MIEF1: variants seen among roughly 807,000 people sequenced by gnomAD.
The protein encoded by MIEF1 is mitochondrial dynamics protein MIEF1.
A neutral mutation model predicts 35.1 loss-of-function variants in MIEF1; 14 were observed. The ratio of observed to expected loss-of-function variants is 0.40; its 90% confidence interval spans 0.26 to 0.62. The LOEUF (loss-of-function observed/expected upper bound fraction) is 0.62. Ranked by LOEUF, MIEF1 falls within the 20% of genes least tolerant of loss-of-function variation. MIEF1 has a pLI of 0.43. For synonymous variants in MIEF1, 245 were observed against 254.3 expected, an observed-to-expected ratio of 0.96 and a Z score of 0.35; for missense variants, 542 against 615.4, an observed-to-expected ratio of 0.88 and a Z score of 1.26.
chr22:39,511,460 T>TG, intron 3 of MIEF1, 22 bp downstream of exon 3: 3 of 1,535,014 alleles, frequency 2.0e-6, no homozygotes, highest in Non-Finnish European at 2.6e-6. Flanking sequence ...CAGCCAGGGC[T>TG]GGGGGTGGAA....
chr22:39,506,364 A>G (rs1473888042), intron 2 of MIEF1, among the ~76,000 whole-genome samples: 1 of 152,108 alleles, frequency 6.6e-6, no homozygotes, highest in Non-Finnish European at 1.5e-5. Context: ...ACCCCTGTAG[A>G]TTAGTTCTCC....
intron 1 of MIEF1, 97 bp downstream of exon 1, chr22:39,502,534 G>T (rs1929786817): frequency 6.6e-6 from 1 of 152,256 alleles, no homozygotes; most frequent in Non-Finnish European, 1.5e-5. Context: ...CATGCGGCCC[G>T]GAGTCAGGAT....
intron 2 of MIEF1, among the ~76,000 whole-genome samples, chr22:39,506,382 G>A (rs982188756): frequency 2.0e-5 from 3 of 152,132 alleles, no homozygotes; most frequent in African/African-American, 7.2e-5. Flanking sequence ...TCCGCACCGC[G>A]TGATCTCAGG....
rs1304877069 is a variant in MIEF1, at chr22:39,502,381, G to C, written c.-396G>C. 2 of 152,382 alleles carry C rather than the reference G, an allele frequency of 1.3e-5. No individual in the cohort carries two copies. Among genetic ancestry groups the C allele is most frequent in the African/African-American group, 2.4e-5 (1 of 41,472 alleles). 9.4% of individuals were successfully genotyped at this position (152,382 alleles called of 1,614,324 possible). A position where few individuals can be genotyped will look rare whatever the true frequency, so the allele number is the denominator to read the frequency against. ...GGGGCCATGTTGATGGGTGACCCGG[G>C]GAGAGGTACCCGGCCAGAGGCGAGT... is the stretch of plus-strand genomic sequence containing the variant. On this transcript the variant is annotated 5_prime_UTR_variant, in exon 1 of 6. Coordinates refer to ENST00000325301, the MANE Select transcript of MIEF1 (RefSeq NM_019008.6).
chr22:39,510,233 CAG>C (rs1930262743), intron 2 of MIEF1, among the ~76,000 whole-genome samples: 1 of 152,162 alleles, frequency 6.6e-6, no homozygotes, highest in South Asian at 2.1e-4. Flanking sequence ...GCTGGGATTA[CAG>C]GCGTGAGTCA....
intron 2 of MIEF1, among the ~76,000 whole-genome samples, chr22:39,508,911 G>T (rs935401403): frequency 3.3e-5 from 5 of 152,198 alleles, no homozygotes; most frequent in Non-Finnish European, 7.3e-5. Flanking sequence ...AGAGGCAGGA[G>T]CGTAAGATGT....
At position 39,517,447 on chromosome 22, in the gene MIEF1, T is replaced by G. The variant is rs1442271203; in HGVS notation, c.*3124T>G. The G allele has an allele frequency of 6.9e-6, 3 of 436,580 alleles. No individual in the cohort carries two copies. Among genetic ancestry groups the G allele is most frequent in the African/African-American group, 2.0e-5 (1 of 49,044 alleles). The allele number at this position is 436,580 out of a possible 1,614,324, so 27.0% of individuals were successfully genotyped here. The stretch of plus-strand genomic sequence containing the variant: ...CTGGGTCCCGGCCACCTGTCCATAT[T>G]CCACATTTGCTGACTGTGCTCCCTG... On this transcript the variant is annotated 3_prime_UTR_variant, in exon 6 of 6. Transcript: ENST00000325301.
chr22:39,506,325 G>T (rs552513262), intron 2 of MIEF1, among the ~76,000 whole-genome samples: 18 of 152,272 alleles, frequency 1.2e-4, no homozygotes, highest in South Asian at 4.1e-4. Context: ...GAGTGGAGAT[G>T]GGAACAAGGT....
chr22:39,511,368 C>G lies in MIEF1; in HGVS notation c.74C>G (p.Ser25Cys). The G allele has an allele frequency of 6.2e-7, 1 of 1,612,654 alleles. No individual in the cohort carries two copies. The highest frequency in any genetic ancestry group is 8.5e-7 in the Non-Finnish European group (1 of 1,179,184). ...GIGTAIDFVLSNARLVLGVGG... is the reference protein window; with the variant it reads ...GIGTAIDFVLCNARLVLGVGG... Reference sequence around the variant, plus strand: ...GGCACGGCCATTGACTTTGTGCTCTCCAATGCCCGGCTGGTGCTGGGGGTG... The same window carrying G: ...GGCACGGCCATTGACTTTGTGCTCTGCAATGCCCGGCTGGTGCTGGGGGTG... Residue 25 changes from serine to cysteine, a missense_variant, in exon 3 of 6, where the codon TCC becomes TGC. Transcript: ENST00000325301.
chr22:39,503,059 C>G (rs1466349303), intron 1 of MIEF1: 1 of 152,214 alleles, frequency 6.6e-6, no homozygotes, highest in Non-Finnish European at 1.5e-5. Context: ...GTGAAATTCT[C>G]TCCGTTACGC....
At chr22:39,501,880 G>C (rs945736689), upstream of MIEF1, 9 of 152,554 alleles carry the variant, frequency 5.9e-5, no homozygotes, top group African/African-American at 2.2e-4. Flanking sequence ...AAAAGAAGGC[G>C]ATCTGAGAAA....
In MIEF1 at chr22:39,517,080, G is replaced by C. The variant is rs1169018723; in HGVS notation, c.*2757G>C. ...CCTGCCCCCTTTTTTAAATCTTTGG[G>C]GAAAGATGAGTAACTTTCCCCACTA... On this transcript the variant is annotated 3_prime_UTR_variant, in exon 6 of 6. Coordinates refer to ENST00000325301, the MANE Select transcript of MIEF1 (RefSeq NM_019008.6). The C allele has an allele frequency of 1.3e-5, 2 of 152,918 alleles. No homozygotes were observed. Among genetic ancestry groups the C allele is most frequent in the African/African-American group, 4.8e-5 (2 of 41,416 alleles). The allele number at this position is 152,918 out of a possible 1,614,324, so 9.5% of individuals were successfully genotyped here. A position where few individuals can be genotyped will look rare whatever the true frequency, so the allele number is the denominator to read the frequency against.
chr22:39,511,823 G>A, intron 3 of MIEF1, 26 bp from the exon 4 acceptor site: 1 of 1,594,656 alleles, frequency 6.3e-7, no homozygotes, highest in African/African-American at 1.3e-5. Context: ...GCAGGTTTAT[G>A]TCCTGTGTCC....
Position 39,507,445 on chromosome 22 carries a change from C to T in MIEF1, c.-8+2911C>T, listed in dbSNP as rs1930090408. 2.6e-5 allele frequency among the ~76,000 whole-genome samples: 4 copies of T among 151,902 alleles called. No individual in the cohort carries two copies. In the South Asian group the frequency reaches 8.3e-4, roughly 32 times the overall value. On this transcript the variant is annotated intron_variant, in intron 2 of 5. Coordinates refer to ENST00000325301, the MANE Select transcript of MIEF1 (RefSeq NM_019008.6). ...TGTTTTTAGTAGAGACAGAGGTTCA[C>T]CGTGTTAGCCAGGATGGTCTCGATC...
chr22:39,510,254 G>C (rs569073055), intron 2 of MIEF1, among the ~76,000 whole-genome samples: 1 of 151,910 alleles, frequency 6.6e-6, no homozygotes, highest in Admixed American at 6.6e-5. Flanking sequence ...CACCGTGCCC[G>C]GCCCATTTTG....
At chr22:39,503,354 G>GTA (rs1252785870) in intron 1 of MIEF1, 5 of 152,174 alleles carry the variant, frequency 3.3e-5, no homozygotes, top group Non-Finnish European at 5.9e-5. Context: ...ATTGCACGTT[G>GTA]TATATAGTGC....
intron 4 of MIEF1, 96 bp downstream of exon 4, chr22:39,512,122 C>G: frequency 6.4e-7 from 1 of 1,557,288 alleles, no homozygotes; most frequent in Non-Finnish European, 8.7e-7. Flanking sequence ...GTGCCAGGCA[C>G]TGTGCCAGCA....
rs756085654 is a variant in MIEF1, at chr22:39,512,285, T to C, written c.376T>C (p.Leu126=). ...KPVARKGQVD[L]KKSRLRMSLQ... ...AGTGGCCAGGAAGGGCCAGGTAGAC[T>C]TGAAGAAGTCACGACTCCGCATGTC... Residue 126 remains leucine (L), a synonymous_variant, in exon 5 of 6, where the codon TTG becomes CTG. Coordinates refer to ENST00000325301, the MANE Select transcript of MIEF1 (RefSeq NM_019008.6). 1.7e-5 allele frequency: 27 copies of C among 1,613,980 alleles called. No homozygotes were observed. The highest frequency in any genetic ancestry group is 8.3e-5 in the Admixed American group (5 of 60,012).
rs1328554877 is a variant in MIEF1 at position 39,504,244 on chromosome 22, G to A, written c.-298G>A. ...TGCCAGTCCCCCATGGCCCCGTGGAGCCGAGAGGCGGTGCTGAGTCTCTAT... is the reference window on the plus strand; with the variant it reads ...TGCCAGTCCCCCATGGCCCCGTGGAACCGAGAGGCGGTGCTGAGTCTCTAT... On this transcript the variant is annotated 5_prime_UTR_variant, in exon 2 of 6. Coordinates refer to ENST00000325301, the MANE Select transcript of MIEF1 (RefSeq NM_019008.6). The A allele has an allele frequency of 2.5e-6, 1 of 399,200 alleles. No individual in the cohort carries two copies. The highest frequency in any genetic ancestry group is 4.4e-6 in the Non-Finnish European group (1 of 226,262). The allele number at this position is 399,200 out of a possible 1,614,324, so 24.7% of individuals were successfully genotyped here. A position where few individuals can be genotyped will look rare whatever the true frequency, so the allele number is the denominator to read the frequency against.
Sources: allele counts gnomAD v4.1 joint callset (sites outside exome capture counted in the v4.1 genomes callset), GRCh38; gene constraint gnomAD v4.1.1; transcripts MANE v1.5; gene names NCBI Gene and HGNC (gene_info 2026-07-23, HGNC 2026-07-21).